Variants in NDUFAF2 observed in about 807,000 individuals in gnomAD.
NDUFAF2 encodes the protein NADH dehydrogenase [ubiquinone] 1 alpha subcomplex assembly factor 2.
NDUFAF2 carries 13 observed loss-of-function variants against 22.8 expected under a neutral mutation model. That is an observed-to-expected ratio of 0.57 (90% confidence interval 0.37 to 0.91). NDUFAF2 has a LOEUF of 0.91. Among genes scored for constraint, NDUFAF2 ranks in the 40% least tolerant of loss-of-function variants. The pLI, the probability that NDUFAF2 is intolerant of heterozygous loss-of-function variation, is 0.01. For synonymous variants in NDUFAF2, 53 were observed against 64.2 expected, an observed-to-expected ratio of 0.83 and a Z score of 0.84; for missense variants, 162 against 195.2, an observed-to-expected ratio of 0.83 and a Z score of 1.01.
chr5:61,129,681 T>A (rs1463586709), intron 3 of NDUFAF2, among the ~76,000 whole-genome samples: 2 of 151,564 alleles, frequency 1.3e-5, no homozygotes, highest in Non-Finnish European at 2.9e-5. Context: ...TTAGGAGATA[T>A]ACCTAATGTA....
intron 3 of NDUFAF2, among the ~76,000 whole-genome samples, chr5:61,152,161 CCT>C (rs1176504144): frequency 6.6e-6 from 1 of 152,070 alleles, no homozygotes; most frequent in Non-Finnish European, 1.5e-5. Context: ...CATGCCAAAC[CCT>C]GATTCCATTC....
chr5:61,043,703 A>ATG (rs201326548), intron 1 of NDUFAF2, among the ~76,000 whole-genome samples: 10,969 of 131,686 alleles, frequency 0.083, 442 homozygotes, highest in African/African-American at 0.13. Context: ...GTGTGTGTGT[A>ATG]TGTGTGTGTG....
chr5:61,129,790 A>G (rs1254338461), intron 3 of NDUFAF2, among the ~76,000 whole-genome samples: 1 of 152,144 alleles, frequency 6.6e-6, no homozygotes, highest in African/African-American at 2.4e-5. Flanking sequence ...TTAAAGTATA[A>G]TAAAAAAGGA....
chr5:61,012,229 A>G (rs1751451657), intron 1 of NDUFAF2, among the ~76,000 whole-genome samples: 1 of 151,950 alleles, frequency 6.6e-6, no homozygotes, highest in Non-Finnish European at 1.5e-5. Context: ...TATGATGATG[A>G]TTTTCAGACC....
intron 1 of NDUFAF2, among the ~76,000 whole-genome samples, chr5:61,055,001 C>T (rs987860892): frequency 6.6e-6 from 1 of 152,056 alleles, no homozygotes; most frequent in African/African-American, 2.4e-5. Flanking sequence ...AGGAATGGAC[C>T]TTATTGTTAT....
chr5:61,108,133 C>T (rs571641602), intron 3 of NDUFAF2, among the ~76,000 whole-genome samples: 2 of 148,698 alleles, frequency 1.3e-5, no homozygotes, highest in East Asian at 3.9e-4. Context: ...CAAGTCTTTG[C>T]TATTGTGAAT....
chr5:61,092,338 C>A (rs776072790), intron 2 of NDUFAF2, among the ~76,000 whole-genome samples: 9 of 151,994 alleles, frequency 5.9e-5, no homozygotes, highest in Non-Finnish European at 1.2e-4. Flanking sequence ...ATTGATTCTT[C>A]CAGTCCGTGC....
At chr5:61,056,921 T>A (rs10805375) in intron 1 of NDUFAF2, among the ~76,000 whole-genome samples, 233 of 18,662 alleles carry the variant, frequency 0.012, no homozygotes, top group Non-Finnish European at 0.016. Context: ...AAAAAAAAAA[T>A]ATATATATAT....
At chr5:61,037,162 T>G (rs1041585256) in intron 1 of NDUFAF2, among the ~76,000 whole-genome samples, 3 of 152,126 alleles carry the variant, frequency 2.0e-5, no homozygotes, top group African/African-American at 7.2e-5. Flanking sequence ...TCTGGAAGAT[T>G]TGTGTTTAGG....
chr5:60,972,146 T>C (rs1442710950), intron 1 of NDUFAF2, among the ~76,000 whole-genome samples: 1 of 152,020 alleles, frequency 6.6e-6, no homozygotes, highest in African/African-American at 2.4e-5. Context: ...TTTCACCATG[T>C]TGGTCAGGCT....
At chr5:60,997,692 T>C (rs1334612835) in intron 1 of NDUFAF2, among the ~76,000 whole-genome samples, 2 of 152,242 alleles carry the variant, frequency 1.3e-5, no homozygotes, top group Non-Finnish European at 2.9e-5. Context: ...AGGACTGCCA[T>C]TTTACACCCA....
At chr5:60,967,773 T>C (rs1343520341) in intron 1 of NDUFAF2, among the ~76,000 whole-genome samples, 1 of 151,544 alleles carries the variant, frequency 6.6e-6, no homozygotes, top group Non-Finnish European at 1.5e-5. Context: ...TTTATATCTA[T>C]GCTTATCAGG....
chr5:61,016,924 G>A (rs1356016290), intron 1 of NDUFAF2, among the ~76,000 whole-genome samples: 6 of 152,186 alleles, frequency 3.9e-5, no homozygotes, highest in Non-Finnish European at 8.8e-5. Context: ...GGTAAGATCA[G>A]GCCTATCCCG....
At chr5:61,101,648 A>G (rs1332215293) in intron 3 of NDUFAF2, among the ~76,000 whole-genome samples, 1 of 151,974 alleles carries the variant, frequency 6.6e-6, no homozygotes, top group Non-Finnish European at 1.5e-5. Flanking sequence ...TGAATACCCA[A>G]CTCCAAATAA....
At chr5:61,124,743 A>G (rs1451901053) in intron 3 of NDUFAF2, among the ~76,000 whole-genome samples, 2 of 152,172 alleles carry the variant, frequency 1.3e-5, no homozygotes, top group Non-Finnish European at 2.9e-5. Context: ...GTTCAATTGG[A>G]TAGTATTCCT....
intron 1 of NDUFAF2, among the ~76,000 whole-genome samples, chr5:60,954,350 C>A (rs1337829528): frequency 6.6e-6 from 1 of 152,070 alleles, no homozygotes; most frequent in Non-Finnish European, 1.5e-5. Flanking sequence ...CAGTAGATGT[C>A]CATTTCTAAG....
At chr5:60,984,532 G>C (rs1751040670) in intron 1 of NDUFAF2, among the ~76,000 whole-genome samples, 1 of 152,186 alleles carries the variant, frequency 6.6e-6, no homozygotes, top group Non-Finnish European at 1.5e-5. Context: ...TTGGCTGTGG[G>C]TGTGTCATAG....
At chr5:61,039,579 TACTTA>T (rs1350288933) in intron 1 of NDUFAF2, among the ~76,000 whole-genome samples, 1 of 152,220 alleles carries the variant, frequency 6.6e-6, no homozygotes, top group Non-Finnish European at 1.5e-5. Flanking sequence ...ATATAATGTA[TACTTA>T]ACTTCTGTTT....
chr5:61,026,914 T>G (rs906792903), intron 1 of NDUFAF2, among the ~76,000 whole-genome samples: 3 of 151,766 alleles, frequency 2.0e-5, no homozygotes, highest in African/African-American at 7.3e-5. Flanking sequence ...GACTTAGGAG[T>G]GTGTTCATTG....
Sources: allele counts gnomAD v4.1 joint callset (sites outside exome capture counted in the v4.1 genomes callset), GRCh38; gene constraint gnomAD v4.1.1; transcripts MANE v1.5; gene names NCBI Gene and HGNC (gene_info 2026-07-23, HGNC 2026-07-21).